Variants in MAGI1 observed in about 807,000 individuals in gnomAD.
The protein encoded by MAGI1 is membrane associated guanylate kinase, WW and PDZ domain containing 1, also known as membrane-associated guanylate kinase, WW and PDZ domain-containing protein 1.
A neutral mutation model predicts 139.9 loss-of-function variants in MAGI1; 58 were observed. The observed-to-expected ratio is 0.41, with a 90% CI of 0.34 to 0.52. MAGI1 has a LOEUF of 0.52. Among genes scored for constraint, MAGI1 ranks in the 20% least tolerant of loss-of-function variants. The probability of loss-of-function intolerance (pLI) is 0.12; values close to 1 mark genes in which losing one functional copy is unlikely to be tolerated. For synonymous variants in MAGI1, 812 were observed against 737.9 expected, an observed-to-expected ratio of 1.10 and a Z score of -1.63; for missense variants, 1,874 against 1,901.6, an observed-to-expected ratio of 0.99 and a Z score of 0.27.
At chr3:65,952,001 T>C (rs937787544) in intron 1 of MAGI1, among the ~76,000 whole-genome samples, 7 of 152,210 alleles carry the variant, frequency 4.6e-5, no homozygotes, top group Non-Finnish European at 1.0e-4. Context: ...TTAAAATATC[T>C]GAGATTCCTA....
chr3:65,756,269 A>G (rs1278464077), intron 1 of MAGI1, among the ~76,000 whole-genome samples: 3 of 152,172 alleles, frequency 2.0e-5, no homozygotes, highest in African/African-American at 7.2e-5. Context: ...GGGGAAAAAA[A>G]TTGTGTGCAT....
intron 1 of MAGI1, among the ~76,000 whole-genome samples, chr3:65,801,396 T>C (rs2040503908): frequency 6.6e-6 from 1 of 152,172 alleles, no homozygotes; most frequent in Non-Finnish European, 1.5e-5. Context: ...AGATGCAAAG[T>C]TATAACATTC....
At chr3:65,359,292 T>TAA in intron 22 of MAGI1, 1 of 1,470,810 alleles carries the variant, frequency 6.8e-7, no homozygotes, top group Non-Finnish European at 8.9e-7. Flanking sequence ...GCAAAGAGAG[T>TAA]TTATTTGTCC....
chr3:65,355,089 A>ATCCCC lies in MAGI1; in HGVS notation c.*1288_*1289insGGGGA, dbSNP rs1157931108. ...CTAGGCAGTAATCCACTTAAACCACATCCCGGGGCTACGGCCGACCCAACC... is the reference window on the plus strand; with the variant it reads ...CTAGGCAGTAATCCACTTAAACCACATCCCCTCCCGGGGCTACGGCCGACCCAACC... On this transcript the variant is annotated 3_prime_UTR_variant, in exon 23 of 23. Coordinates refer to ENST00000402939, the MANE Select transcript of MAGI1 (RefSeq NM_001033057.2). 6.6e-6 allele frequency: 1 copy of ATCCCC among 152,560 alleles called. No individual in the cohort carries two copies. The highest frequency in any genetic ancestry group is 2.4e-5 in the African/African-American group (1 of 41,422). The allele number at this position is 152,560 out of a possible 1,614,324, so 9.5% of individuals were successfully genotyped here.
intron 5 of MAGI1, among the ~76,000 whole-genome samples, chr3:65,465,786 T>C (rs1211058390): frequency 2.6e-5 from 4 of 152,214 alleles, no homozygotes; most frequent in African/African-American, 9.6e-5. Context: ...TTTTCAACCA[T>C]TAGTTCTTCA....
chr3:65,535,789 T>G (rs2078933090), intron 2 of MAGI1, among the ~76,000 whole-genome samples: 1 of 152,218 alleles, frequency 6.6e-6, no homozygotes, highest in Admixed American at 6.5e-5. Context: ...ATCAGTTAGG[T>G]AACCTCTATC....
At chr3:65,827,127 C>T (rs998951812) in intron 1 of MAGI1, among the ~76,000 whole-genome samples, 3 of 152,204 alleles carry the variant, frequency 2.0e-5, no homozygotes, top group Non-Finnish European at 4.4e-5. Context: ...TTTATCCAGT[C>T]CCAAGGAACC....
chr3:65,427,439 G>A (rs1947134008), intron 12 of MAGI1, among the ~76,000 whole-genome samples: 1 of 152,148 alleles, frequency 6.6e-6, no homozygotes, highest in Non-Finnish European at 1.5e-5. Context: ...GAAACTTTAT[G>A]TTTGGTCTCC....
intron 6 of MAGI1, among the ~76,000 whole-genome samples, chr3:65,451,626 G>C (rs1438719851): frequency 1.3e-5 from 2 of 152,074 alleles, no homozygotes; most frequent in African/African-American, 4.8e-5. Context: ...GAAAGTTTTG[G>C]ATTTTGGAGC....
At chr3:65,632,625 A>T (rs188793757) in intron 1 of MAGI1, among the ~76,000 whole-genome samples, 3 of 152,340 alleles carry the variant, frequency 2.0e-5, no homozygotes, top group East Asian at 3.9e-4. Flanking sequence ...TTCCATAAAA[A>T]GCTAAGATAA....
chr3:65,571,655 T>C lies in MAGI1; in HGVS notation c.430+50317A>G, dbSNP rs552067119. 4.0e-5 allele frequency among the ~76,000 whole-genome samples: 6 copies of C among 151,826 alleles called. No individual in the cohort carries two copies. In the South Asian group the frequency reaches 1.2e-3, roughly 32 times the overall value. Reference sequence around the variant, plus strand: ...GTCAAATAATACAGCAAAGGGCAACTAGATTTCAAAAAGACATTTGGTAGG... The same window carrying C: ...GTCAAATAATACAGCAAAGGGCAACCAGATTTCAAAAAGACATTTGGTAGG... On this transcript the variant is annotated intron_variant, in intron 2 of 22. Coordinates refer to ENST00000402939, the MANE Select transcript of MAGI1 (RefSeq NM_001033057.2).
chr3:65,874,478 C>T (rs920351892), intron 1 of MAGI1: 3 of 152,158 alleles, frequency 2.0e-5, no homozygotes, highest in African/African-American at 7.2e-5. Flanking sequence ...AGACATTTTT[C>T]CACAAGATGA....
chr3:65,447,714 G>A (rs1948761747), intron 7 of MAGI1, among the ~76,000 whole-genome samples: 3 of 152,204 alleles, frequency 2.0e-5, no homozygotes, highest in South Asian at 4.1e-4. Context: ...GACACAGCGA[G>A]CATCTCTTCG....
chr3:65,846,940 T>C (rs1269621666), intron 1 of MAGI1, among the ~76,000 whole-genome samples: 1 of 133,974 alleles, frequency 7.5e-6, no homozygotes, highest in Admixed American at 7.8e-5. Flanking sequence ...AAACATTGAC[T>C]TGTCCTTTCA....
intron 1 of MAGI1, among the ~76,000 whole-genome samples, chr3:65,879,431 A>C (rs929167644): frequency 6.6e-6 from 1 of 152,094 alleles, no homozygotes; most frequent in African/African-American, 2.4e-5. Flanking sequence ...GGTCTCTTTA[A>C]CAATTAAAGC....
chr3:65,717,109 G>T (rs2032360018), intron 1 of MAGI1, among the ~76,000 whole-genome samples: 2 of 152,190 alleles, frequency 1.3e-5, no homozygotes, highest in Admixed American at 1.3e-4. Flanking sequence ...TTTTAAAAGA[G>T]GAGGCCTTTT....
chr3:65,768,848 T>C (rs1294590574), intron 1 of MAGI1, among the ~76,000 whole-genome samples: 2 of 152,160 alleles, frequency 1.3e-5, no homozygotes, highest in South Asian at 2.1e-4. Flanking sequence ...AAAATGTGTT[T>C]AAGAAGATAA....
chr3:65,630,526 A>G (rs1031391695), intron 1 of MAGI1, among the ~76,000 whole-genome samples: 4 of 152,202 alleles, frequency 2.6e-5, no homozygotes, highest in African/African-American at 9.6e-5. Flanking sequence ...ACCATGGAAT[A>G]CTACTCAGCC....
At position 65,567,115 on chromosome 3, in the gene MAGI1, T is replaced by C. The variant is rs367894025; in HGVS notation, c.430+54857A>G. 5.9e-5 allele frequency among the ~76,000 whole-genome samples: 9 copies of C among 152,020 alleles called. No homozygotes were observed. The East Asian group carries it at 1.7e-3, about 29-fold the overall frequency. On this transcript the variant is annotated intron_variant, in intron 2 of 22. Coordinates refer to ENST00000402939, the MANE Select transcript of MAGI1 (RefSeq NM_001033057.2). ...AAGCAGACAAAACTGGCAGGACCTC[T>C]GAGATGTCAGAAGAGGCCCAGGACA...
Sources: gnomAD v4.1 joint callset for allele counts (sites outside exome capture counted in the v4.1 genomes callset) on GRCh38, gnomAD v4.1.1 for gene constraint, MANE v1.5 for transcripts, NCBI Gene and HGNC (gene_info 2026-07-23, HGNC 2026-07-21) for gene names.